BTC: variants seen among roughly 807,000 people sequenced by gnomAD.
The protein encoded by BTC is betacellulin.
A neutral mutation model predicts 18.1 loss-of-function variants in BTC; 13 were observed. The observed-to-expected ratio is 0.72, with a 90% CI of 0.47 to 1.14. The LOEUF is 1.14. Ranked by LOEUF, BTC falls within the 50% of genes most tolerant of loss-of-function variation. The probability of loss-of-function intolerance (pLI) is 0.00; values close to 1 mark genes in which losing one functional copy is unlikely to be tolerated. For missense variants in BTC, 247 were observed against 224.2 expected, an observed-to-expected ratio of 1.10 and a Z score of -0.65; for synonymous variants, 83 against 79.4, an observed-to-expected ratio of 1.05 and a Z score of -0.24.
At chr4:74,756,988 C>A (rs190923432) in intron 2 of BTC, among the ~76,000 whole-genome samples, 2 of 152,118 alleles carry the variant, frequency 1.3e-5, no homozygotes, top group Non-Finnish European at 2.9e-5. Flanking sequence ...AATGCCCACA[C>A]CCACAGAAAA....
chr4:74,776,241 A>T (rs1725173237), intron 1 of BTC, among the ~76,000 whole-genome samples: 1 of 151,776 alleles, frequency 6.6e-6, no homozygotes, highest in Admixed American at 6.6e-5. Flanking sequence ...GTCAGATTTC[A>T]CCTATCATTC....
chr4:74,791,472 T>C (rs372240677), intron 1 of BTC, among the ~76,000 whole-genome samples: 18 of 152,348 alleles, frequency 1.2e-4, no homozygotes, highest in East Asian at 9.6e-4. Context: ...GAAAATGCCT[T>C]TAAACAGTTT....
intron 1 of BTC, among the ~76,000 whole-genome samples, chr4:74,774,351 A>G (rs896864917): frequency 3.3e-5 from 5 of 152,334 alleles, no homozygotes; most frequent in African/African-American, 7.2e-5. Flanking sequence ...ATAAAGTCTA[A>G]GCCTGACAAG....
At chr4:74,778,181 T>A (rs1484395507) in intron 1 of BTC, among the ~76,000 whole-genome samples, 1 of 152,200 alleles carries the variant, frequency 6.6e-6, no homozygotes, top group African/African-American at 2.4e-5. Flanking sequence ...TCTTTTGCCC[T>A]CCTTTAATCC....
At chr4:74,778,036 GA>G (rs550389882) in intron 1 of BTC, among the ~76,000 whole-genome samples, 21 of 146,980 alleles carry the variant, frequency 1.4e-4, no homozygotes, top group East Asian at 2.0e-4. Context: ...CGTGGAGTTT[GA>G]AAAAAAAAAT....
chr4:74,771,733 T>C (rs1725048759), intron 1 of BTC, among the ~76,000 whole-genome samples: 1 of 152,214 alleles, frequency 6.6e-6, no homozygotes, highest in African/African-American at 2.4e-5. Flanking sequence ...TTAGTACTGC[T>C]TTTCTTGAGA....
At chr4:74,751,498 T>C (rs1379782034) in intron 3 of BTC, among the ~76,000 whole-genome samples, 1 of 152,214 alleles carries the variant, frequency 6.6e-6, no homozygotes, top group Non-Finnish European at 1.5e-5. Flanking sequence ...CTTTTTTCCA[T>C]GGCCTTCTTC....
chr4:74,782,548 C>T (rs989910638), intron 1 of BTC, among the ~76,000 whole-genome samples: 10 of 151,894 alleles, frequency 6.6e-5, no homozygotes, highest in Admixed American at 5.2e-4. Flanking sequence ...TTGTGAATAC[C>T]GCGCACTGAA....
At chr4:74,784,131 C>T (rs1725412643) in intron 1 of BTC, among the ~76,000 whole-genome samples, 1 of 150,734 alleles carries the variant, frequency 6.6e-6, no homozygotes, top group Non-Finnish European at 1.5e-5. Flanking sequence ...ACTCTGGAGG[C>T]TGAGGCAGGA....
At position 74,782,607 on chromosome 4, in the gene BTC, T is replaced by C. The variant is rs1725362804; in HGVS notation, c.64+11655A>G. On this transcript the variant is annotated intron_variant, in intron 1 of 5. Coordinates refer to ENST00000395743, the MANE Select transcript of BTC (RefSeq NM_001729.4). ...AGTAGAATAATTTATATTCCTTTGG[T>C]ATATGCCCAGTAATGGGATTACTGG... 2.0e-5 allele frequency among the ~76,000 whole-genome samples: 3 copies of C among 151,948 alleles called. No homozygotes were observed. The South Asian group carries it at 6.2e-4, about 32-fold the overall frequency.
At chr4:74,769,792 T>C (rs918112000) in intron 2 of BTC, among the ~76,000 whole-genome samples, 35 of 152,296 alleles carry the variant, frequency 2.3e-4, no homozygotes, top group African/African-American at 8.2e-4. Flanking sequence ...CAGAAAGACC[T>C]GCATTTGAAT....
intron 1 of BTC, among the ~76,000 whole-genome samples, chr4:74,772,933 A>C (rs1305074643): frequency 6.6e-6 from 1 of 152,204 alleles, no homozygotes; most frequent in African/African-American, 2.4e-5. Flanking sequence ...GCTATGGCCC[A>C]GGCTCCTTCC....
chr4:74,760,519 A>T (rs1476791275), intron 2 of BTC, among the ~76,000 whole-genome samples: 1 of 152,344 alleles, frequency 6.6e-6, no homozygotes, highest in Admixed American at 6.5e-5. Flanking sequence ...ATCTCTGGTC[A>T]GGGAAATGTA....
intron 1 of BTC, among the ~76,000 whole-genome samples, chr4:74,778,933 A>G (rs28576102): frequency 0.27 from 40,782 of 152,020 alleles, 8,053 homozygotes; most frequent in African/African-American, 0.56. Context: ...AGGACAGAGG[A>G]ATTTTCCAAG....
intron 1 of BTC, among the ~76,000 whole-genome samples, chr4:74,793,906 G>A (rs1417012846): frequency 2.1e-5 from 3 of 142,904 alleles, no homozygotes; most frequent in Middle Eastern, 3.5e-3. Context: ...CCTCACTTGC[G>A]AGCACAGCGC....
chr4:74,749,687 TGTTG>T (rs1241851524), intron 4 of BTC, among the ~76,000 whole-genome samples: 16,194 of 116,738 alleles, frequency 0.14, 1,435 homozygotes, highest in Non-Finnish European at 0.18. Flanking sequence ...TAGTTTTTTT[TGTTG>T]TTGTTGTTGT....
At chr4:74,784,566 A>C (rs1430054002) in intron 1 of BTC, among the ~76,000 whole-genome samples, 1 of 152,130 alleles carries the variant, frequency 6.6e-6, no homozygotes, top group Admixed American at 6.5e-5. Context: ...TGGGTTTGTC[A>C]TATATGGCTC....
intron 2 of BTC, among the ~76,000 whole-genome samples, chr4:74,765,974 C>T (rs568015954): frequency 6.6e-6 from 1 of 152,184 alleles, no homozygotes; most frequent in South Asian, 2.1e-4. Context: ...TAGCTTATTG[C>T]TCTGAGGCTA....
intron 1 of BTC, among the ~76,000 whole-genome samples, chr4:74,786,487 C>T (rs1049069315): frequency 2.6e-5 from 4 of 152,208 alleles, no homozygotes; most frequent in South Asian, 2.1e-4. Flanking sequence ...GCCTCCAAAG[C>T]GAAGCTATCT....
Sources: gnomAD v4.1 joint callset for allele counts (sites outside exome capture counted in the v4.1 genomes callset) on GRCh38, gnomAD v4.1.1 for gene constraint, MANE v1.5 for transcripts, NCBI Gene and HGNC (gene_info 2026-07-23, HGNC 2026-07-21) for gene names.